Variants in NTF3 observed in about 807,000 individuals in gnomAD.
NTF3 encodes neurotrophin-3.
Under a neutral mutation model 26.3 loss-of-function variants are expected in NTF3, and 8 were observed. The ratio of observed to expected loss-of-function variants is 0.30; its 90% CI spans 0.18 to 0.55. The LOEUF (loss-of-function observed/expected upper bound fraction) is 0.55, where lower values mean the gene tolerates loss of function less well. Among genes scored for constraint, NTF3 ranks in the 20% least tolerant of loss-of-function variants. The pLI is 0.93. For missense variants in NTF3, 276 were observed against 352.9 expected (o/e 0.78, Z 1.75); for synonymous variants, 154 against 145.5 (o/e 1.06, Z -0.42).
At chr12:5,441,192 C>T (rs1419510635) in intron 1 of NTF3, among the ~76,000 whole-genome samples, 4 of 152,198 alleles carry the variant, frequency 2.6e-5, no homozygotes, top group African/African-American at 9.6e-5. Flanking sequence ...CTAGGTCTCA[C>T]TTCCTCATCT....
chr12:5,444,975 CA>C (rs1442518072), intron 1 of NTF3, among the ~76,000 whole-genome samples: 1 of 152,146 alleles, frequency 6.6e-6, no homozygotes, highest in Non-Finnish European at 1.5e-5. Flanking sequence ...TCTCTGGACA[CA>C]TGGATTAAAA....
chr12:5,474,186 A>G (rs943968261), intron 1 of NTF3, among the ~76,000 whole-genome samples: 1 of 152,200 alleles, frequency 6.6e-6, no homozygotes, highest in Non-Finnish European at 1.5e-5. Flanking sequence ...ATTTCTAGGA[A>G]TCTTTTATGG....
At chr12:5,449,303 C>G (rs1940345026) in intron 1 of NTF3, among the ~76,000 whole-genome samples, 1 of 152,224 alleles carries the variant, frequency 6.6e-6, no homozygotes, top group South Asian at 2.1e-4. Flanking sequence ...CCCTCAGCCC[C>G]TCCCAGGACA....
chr12:5,431,804 T>A (rs939423111), upstream of NTF3, among the ~76,000 whole-genome samples: 3 of 152,202 alleles, frequency 2.0e-5, no homozygotes, highest in Non-Finnish European at 4.4e-5. Context: ...CGTTTCGTTT[T>A]TTCCTGGATC....
upstream of NTF3, among the ~76,000 whole-genome samples, chr12:5,430,748 G>A (rs1469894533): frequency 6.6e-6 from 1 of 152,058 alleles, no homozygotes; most frequent in Non-Finnish European, 1.5e-5. Flanking sequence ...GGAACGGCTT[G>A]CTTATTAGAC....
At chr12:5,488,207 G>A (rs778666338) in intron 1 of NTF3, among the ~76,000 whole-genome samples, 2 of 152,072 alleles carry the variant, frequency 1.3e-5, no homozygotes, top group African/African-American at 2.4e-5. Flanking sequence ...TGTTGGTTTT[G>A]GATCCATTGT....
chr12:5,444,350 G>GGAGAT (rs1940277629), intron 1 of NTF3, among the ~76,000 whole-genome samples: 1 of 152,188 alleles, frequency 6.6e-6, no homozygotes, highest in Non-Finnish European at 1.5e-5. Context: ...GAGATAAAAG[G>GGAGAT]GAGATTCTCC....
intron 1 of NTF3, among the ~76,000 whole-genome samples, chr12:5,480,338 G>A (rs935558594): frequency 1.3e-5 from 2 of 152,184 alleles, no homozygotes; most frequent in African/African-American, 2.4e-5. Context: ...ACCACAGTGG[G>A]TAGCCTCGGG....
intron 1 of NTF3, among the ~76,000 whole-genome samples, chr12:5,482,702 C>T (rs1034586766): frequency 6.6e-6 from 1 of 151,712 alleles, no homozygotes; most frequent in Admixed American, 6.6e-5. Context: ...CTGTGTCTCT[C>T]TCCTCCTCCC....
chr12:5,450,076 C>T (rs563629254), intron 1 of NTF3, among the ~76,000 whole-genome samples: 7 of 152,134 alleles, frequency 4.6e-5, no homozygotes, highest in Admixed American at 2.0e-4. Context: ...CCCAAAGCCT[C>T]GGTGGGACTC....
chr12:5,487,928 T>C (rs1940887075), intron 1 of NTF3, among the ~76,000 whole-genome samples: 1 of 152,186 alleles, frequency 6.6e-6, no homozygotes, highest in South Asian at 2.1e-4. Flanking sequence ...GTCAGCAGGT[T>C]TTGGGGACCA....
intron 1 of NTF3, among the ~76,000 whole-genome samples, chr12:5,452,989 C>T (rs549379936): frequency 1.3e-5 from 2 of 152,326 alleles, no homozygotes; most frequent in African/African-American, 4.8e-5. Context: ...AGCTCCATCA[C>T]TTGCTGGCCA....
At chr12:5,463,376 C>T (rs1004115328) in intron 1 of NTF3, among the ~76,000 whole-genome samples, 3 of 152,138 alleles carry the variant, frequency 2.0e-5, no homozygotes, top group Non-Finnish European at 4.4e-5. Flanking sequence ...AACAAATACA[C>T]AAATGACAAG....
intron 1 of NTF3, among the ~76,000 whole-genome samples, chr12:5,481,546 C>T (rs1940798193): frequency 8.0e-5 from 1 of 12,488 alleles, no homozygotes; most frequent in Admixed American, 8.7e-4. Flanking sequence ...TCACAGAATA[C>T]ATATATGCAC....
At chr12:5,491,360 G>A (rs764049077) in intron 1 of NTF3, among the ~76,000 whole-genome samples, 1 of 152,182 alleles carries the variant, frequency 6.6e-6, no homozygotes. Context: ...AAAGAGTTTA[G>A]AAACACTCAC....
intron 1 of NTF3, among the ~76,000 whole-genome samples, chr12:5,451,743 T>C (rs1466302587): frequency 6.6e-6 from 1 of 152,186 alleles, no homozygotes; most frequent in East Asian, 1.9e-4. Flanking sequence ...TAGACTCGCG[T>C]GTGGTGGCGT....
At chr12:5,466,820 G>T (rs1940595805) in intron 1 of NTF3, among the ~76,000 whole-genome samples, 1 of 152,210 alleles carries the variant, frequency 6.6e-6, no homozygotes, top group African/African-American at 2.4e-5. Flanking sequence ...TCTGCCCTGA[G>T]ACTGACTGTC....
intron 1 of NTF3, among the ~76,000 whole-genome samples, chr12:5,486,958 G>C (rs1940873778): frequency 6.6e-6 from 1 of 151,968 alleles, no homozygotes; most frequent in Admixed American, 6.5e-5. Context: ...TGTATGCACA[G>C]TGGTGGATGA....
chr12:5,431,079 G>A (rs546726869), upstream of NTF3, among the ~76,000 whole-genome samples: 89 of 152,178 alleles, frequency 5.8e-4, no homozygotes, highest in African/African-American at 2.1e-3. Flanking sequence ...GAGGTCTAAC[G>A]GGCAGCTAAA....
Sources: gnomAD v4.1 joint callset for allele counts (sites outside exome capture counted in the v4.1 genomes callset) on GRCh38, gnomAD v4.1.1 for gene constraint, MANE v1.5 for transcripts, NCBI Gene and HGNC (gene_info 2026-07-23, HGNC 2026-07-21) for gene names.